Variants in MIPEP observed in about 807,000 individuals in gnomAD.
MIPEP encodes mitochondrial intermediate peptidase.
MIPEP carries 79 observed loss-of-function variants against 90.3 expected under a neutral mutation model. That is an observed-to-expected ratio of 0.87 (90% CI 0.73 to 1.05). The LOEUF (loss-of-function observed/expected upper bound fraction) is 1.05, where lower values mean the gene tolerates loss of function less well. Among genes scored for constraint, MIPEP ranks in the 50% least tolerant of loss-of-function variants. The probability of loss-of-function intolerance (pLI) is 0.00; values close to 1 mark genes in which losing one functional copy is unlikely to be tolerated. For synonymous variants in MIPEP, 334 were observed against 315.8 expected, an observed-to-expected ratio of 1.06 and a Z score of -0.61; for missense variants, 940 against 905.6, an observed-to-expected ratio of 1.04 and a Z score of -0.49.
intron 1 of MIPEP, among the ~76,000 whole-genome samples, chr13:23,887,143 A>G (rs1593213797): frequency 6.6e-6 from 1 of 152,238 alleles, no homozygotes; most frequent in African/African-American, 2.4e-5. Context: ...AATGTAATGA[A>G]CATATTAAAA....
intron 16 of MIPEP, among the ~76,000 whole-genome samples, chr13:23,805,632 A>G (rs1404241555): frequency 6.6e-6 from 1 of 152,230 alleles, no homozygotes; most frequent in Admixed American, 6.5e-5. Flanking sequence ...ACTGGTAATC[A>G]CATTCATCTT....
chr13:23,884,742 T>C (rs1200744220), intron 2 of MIPEP, among the ~76,000 whole-genome samples: 4 of 152,232 alleles, frequency 2.6e-5, no homozygotes, highest in African/African-American at 9.6e-5. Flanking sequence ...CTCCATGAAG[T>C]AACAGATTGT....
At chr13:23,768,836 C>A (rs1952619505) in intron 16 of MIPEP, among the ~76,000 whole-genome samples, 1 of 152,128 alleles carries the variant, frequency 6.6e-6, no homozygotes, top group Non-Finnish European at 1.5e-5. Flanking sequence ...AGTATGCTAA[C>A]CTCGACTGTT....
chr13:23,802,344 G>A (rs894993447), intron 16 of MIPEP, among the ~76,000 whole-genome samples: 16 of 152,196 alleles, frequency 1.1e-4, no homozygotes, highest in Admixed American at 3.3e-4. Context: ...GGAGGTGGAA[G>A]CAGGCAGATC....
At chr13:23,774,933 T>C (rs113557264) in intron 16 of MIPEP, among the ~76,000 whole-genome samples, 2,818 of 151,982 alleles carry the variant, frequency 0.019, 96 homozygotes, top group African/African-American at 0.065. Context: ...TAGCTGGGAT[T>C]ACAGGTGCAC....
intron 10 of MIPEP, among the ~76,000 whole-genome samples, chr13:23,856,607 G>A (rs1477979958): frequency 6.6e-6 from 1 of 152,170 alleles, no homozygotes. Flanking sequence ...AAACTGTCAA[G>A]GCGCTGGTGG....
At chr13:23,818,551 A>G (rs560759924) in intron 14 of MIPEP, among the ~76,000 whole-genome samples, 1 of 152,254 alleles carries the variant, frequency 6.6e-6, no homozygotes, top group East Asian at 1.9e-4. Flanking sequence ...AGACTCAGGA[A>G]CTGCCATATA....
intron 16 of MIPEP, among the ~76,000 whole-genome samples, chr13:23,774,660 TG>T (rs1446033121): frequency 6.6e-6 from 1 of 152,172 alleles, no homozygotes; most frequent in African/African-American, 2.4e-5. Flanking sequence ...CTCTTCCAGA[TG>T]CTATTGTAAA....
intron 14 of MIPEP, among the ~76,000 whole-genome samples, chr13:23,814,723 C>T (rs968475409): frequency 6.6e-6 from 1 of 152,202 alleles, no homozygotes; most frequent in Non-Finnish European, 1.5e-5. Flanking sequence ...ATTCTAACTC[C>T]TGACCATCGA....
chr13:23,842,434 T>C (rs1838706194), intron 10 of MIPEP: 1 of 152,226 alleles, frequency 6.6e-6, no homozygotes, highest in African/African-American at 2.4e-5. Context: ...GCTATGGACA[T>C]CCACAAATTT....
intron 16 of MIPEP, among the ~76,000 whole-genome samples, chr13:23,799,056 T>G (rs1490378267): frequency 1.6e-5 from 2 of 122,438 alleles, no homozygotes; most frequent in East Asian, 5.7e-4. Context: ...CAAGCTGGGG[T>G]GCAGTGGTGT....
intron 18 of MIPEP, among the ~76,000 whole-genome samples, chr13:23,739,986 C>T (rs748893354): frequency 1.3e-5 from 2 of 152,080 alleles, no homozygotes; most frequent in Non-Finnish European, 2.9e-5. Flanking sequence ...TGCTTTTTTC[C>T]ACCTAGCATC....
intron 8 of MIPEP, among the ~76,000 whole-genome samples, chr13:23,863,624 C>T (rs1025714999): frequency 2.6e-5 from 4 of 152,018 alleles, no homozygotes; most frequent in African/African-American, 7.2e-5. Context: ...AAATCCAAAA[C>T]ATGTGTGGTC....
intron 16 of MIPEP, among the ~76,000 whole-genome samples, chr13:23,762,654 G>A (rs1403333643): frequency 2.0e-5 from 3 of 152,232 alleles, no homozygotes; most frequent in African/African-American, 7.2e-5. Flanking sequence ...CCTCCTTGGG[G>A]ATGCAGCCAG....
rs746329051 is a variant in MIPEP, at chr13:23,858,889, A to AG, written c.1076dup (p.Tyr360LeufsTer12). ...CTGCACGAATCACACCACTGTAGTA[A>AG]GGGGGGTCCCAGGGCATTACTTCCT... On this transcript the variant is annotated frameshift_variant, in exon 10 of 19. Coordinates refer to ENST00000382172, the MANE Select transcript of MIPEP (RefSeq NM_005932.4). LOFTEE classifies it high-confidence loss of function. The AG allele has an allele frequency of 1.2e-5, 19 of 1,613,508 alleles. No homozygotes were observed. In the Middle Eastern group the frequency reaches 4.9e-4, roughly 42 times the overall value.
intron 16 of MIPEP, among the ~76,000 whole-genome samples, chr13:23,802,481 T>A (rs1953055002): frequency 6.6e-6 from 1 of 152,030 alleles, no homozygotes; most frequent in Admixed American, 6.5e-5. Context: ...GGTGAGAGAA[T>A]CGCTTGAACC....
At chr13:23,888,034 CTTT>C in intron 1 of MIPEP, 2 of 338,792 alleles carry the variant, frequency 5.9e-6, no homozygotes, top group Admixed American at 3.8e-5. Context: ...CTGAATAAGG[CTTT>C]TTTTTTTTCA....
intron 16 of MIPEP, among the ~76,000 whole-genome samples, chr13:23,802,974 T>C (rs988738643): frequency 6.6e-6 from 1 of 152,338 alleles, no homozygotes; most frequent in South Asian, 2.1e-4. Flanking sequence ...TTTTGACTTA[T>C]GATAGTTTCA....
At chr13:23,816,861 C>T (rs1749149396) in intron 14 of MIPEP, among the ~76,000 whole-genome samples, 2 of 152,134 alleles carry the variant, frequency 1.3e-5, no homozygotes, top group African/African-American at 4.8e-5. Flanking sequence ...AGTATCAGGG[C>T]CCTCAGATAT....
Sources: gnomAD v4.1 joint callset for allele counts (sites outside exome capture counted in the v4.1 genomes callset) on GRCh38, gnomAD v4.1.1 for gene constraint, MANE v1.5 for transcripts, NCBI Gene and HGNC (gene_info 2026-07-23, HGNC 2026-07-21) for gene names.